Variants in YEATS4 observed in about 807,000 individuals in gnomAD.
The protein encoded by YEATS4 is YEATS domain-containing protein 4.
YEATS4 carries 17 observed loss-of-function variants against 30.1 expected under a neutral mutation model. That is an observed-to-expected ratio of 0.56 (90% CI 0.39 to 0.85). The LOEUF (loss-of-function observed/expected upper bound fraction) is 0.85. Among genes scored for constraint, YEATS4 ranks in the 40% least tolerant of loss-of-function variants. The probability of loss-of-function intolerance (pLI) is 0.00; values close to 1 mark genes in which losing one functional copy is unlikely to be tolerated. For synonymous variants in YEATS4, 85 were observed against 87.5 expected (o/e 0.97, Z 0.16); for missense variants, 142 against 268.3 (o/e 0.53, Z 3.29).
chr12:69,404,581 C>G, the YEATS4 span, among the ~76,000 whole-genome samples: 1 of 152,160 alleles, frequency 6.6e-6, no homozygotes, highest in Non-Finnish European at 1.5e-5. Flanking sequence ...AGACCCTGAC[C>G]AGATGGCCAA....
At position 69,359,972 on chromosome 12, in the gene YEATS4, T is replaced by G; in HGVS notation, c.-1T>G. 1 of 1,612,396 alleles carries G rather than the reference T, an allele frequency of 6.2e-7. No homozygotes were observed. Among genetic ancestry groups the G allele is most frequent in the Non-Finnish European group, 8.5e-7 (1 of 1,179,214 alleles). ...GGCGGCGGCTTCTTCCGTGGGACAA[T>G]ATGTTCAAGAGAATGGCCGAATTTG... On this transcript the variant is annotated 5_prime_UTR_variant, in exon 1 of 7. Transcript: ENST00000247843.
At chr12:69,410,773 AT>A in the YEATS4 span, among the ~76,000 whole-genome samples, 1 of 152,200 alleles carries the variant, frequency 6.6e-6, no homozygotes, top group Non-Finnish European at 1.5e-5. Context: ...CCTCGGGAAC[AT>A]CTCATAACTA....
At chr12:69,407,842 G>T in the YEATS4 span, among the ~76,000 whole-genome samples, 1 of 150,166 alleles carries the variant, frequency 6.7e-6, no homozygotes, top group Admixed American at 6.7e-5. Flanking sequence ...TCAGCCCCCT[G>T]AGTAGCTGGG....
At chr12:69,390,111 GA>G in intron 6 of YEATS4, 35 bp from the exon 7 acceptor site, 1 of 1,523,182 alleles carries the variant, frequency 6.6e-7, no homozygotes, top group East Asian at 2.3e-5. Flanking sequence ...AAACATGTGA[GA>G]AAAATACTTT....
At chr12:69,413,339 C>T in the YEATS4 span, among the ~76,000 whole-genome samples, 2 of 142,136 alleles carry the variant, frequency 1.4e-5, no homozygotes, top group Non-Finnish European at 3.0e-5. Context: ...CAAAGTGAGA[C>T]CCTGTCTCTA....
the YEATS4 span, chr12:69,423,096 A>T: frequency 6.6e-6 from 1 of 152,176 alleles, no homozygotes; most frequent in African/African-American, 2.4e-5. Context: ...TCTGCTGAGG[A>T]TGAGAGAGAC....
At position 69,365,618 on chromosome 12, in the gene YEATS4, T is replaced by G. The variant is rs950696077; in HGVS notation, c.172-15T>G. 6.3e-7 allele frequency: 1 copy of G among 1,575,338 alleles called. No homozygotes were observed. The highest frequency in any genetic ancestry group is 8.7e-7 in the Non-Finnish European group (1 of 1,147,826). Reference sequence around the variant, plus strand: ...ATTTGTAGATCATAAAACTAACTAATTCCTTATATTTTAGGATATGTCAGC... The same window carrying G: ...ATTTGTAGATCATAAAACTAACTAAGTCCTTATATTTTAGGATATGTCAGC... On this transcript the variant is annotated splice_polypyrimidine_tract_variant and intron_variant, in intron 2 of 6. Coordinates refer to ENST00000247843, the MANE Select transcript of YEATS4 (RefSeq NM_006530.4).
rs1259067395 is a variant in YEATS4, at chr12:69,359,745, C to G, written c.-228C>G. 3.6e-6 allele frequency: 2 copies of G among 551,754 alleles called. No individual in the cohort carries two copies. The highest frequency in any genetic ancestry group is 1.9e-5 in the African/African-American group (1 of 51,418). 34.2% of individuals were successfully genotyped at this position (551,754 alleles called of 1,614,324 possible). A position where few individuals can be genotyped will look rare whatever the true frequency, so the allele number is the denominator to read the frequency against. On this transcript the variant is annotated 5_prime_UTR_variant, in exon 1 of 7. Transcript: ENST00000247843. ...TGCGCGCGGTGCGGCCGTCGCCCCTCTTTTCGCGGCGTTCTCCACCTGCGC... is the reference window on the plus strand; with the variant it reads ...TGCGCGCGGTGCGGCCGTCGCCCCTGTTTTCGCGGCGTTCTCCACCTGCGC...
intron 4 of YEATS4, among the ~76,000 whole-genome samples, chr12:69,366,275 A>C (rs150411010): frequency 1.5e-3 from 230 of 152,250 alleles, no homozygotes; most frequent in South Asian, 5.6e-3. Flanking sequence ...TTAAGCTGTC[A>C]TCAGTACTAG....
At chr12:69,413,649 C>G in the YEATS4 span, among the ~76,000 whole-genome samples, 2 of 151,696 alleles carry the variant, frequency 1.3e-5, no homozygotes, top group Non-Finnish European at 2.9e-5. Context: ...GTCAGGAGTT[C>G]GAGACCAACC....
At chr12:69,362,635 A>T (rs528461952) in intron 1 of YEATS4, among the ~76,000 whole-genome samples, 153 bp from the exon 2 acceptor site, 3 of 152,356 alleles carry the variant, frequency 2.0e-5, no homozygotes, top group African/African-American at 7.2e-5. Flanking sequence ...ATATGAAAGG[A>T]TGTGTCTGAA....
the YEATS4 span, among the ~76,000 whole-genome samples, chr12:69,405,254 C>T: frequency 6.6e-6 from 1 of 152,186 alleles, no homozygotes; most frequent in South Asian, 2.1e-4. Flanking sequence ...GAACTAAACT[C>T]TATAAGCACT....
chr12:69,366,654 T>C (rs1565675591), intron 4 of YEATS4, among the ~76,000 whole-genome samples: 1 of 152,168 alleles, frequency 6.6e-6, no homozygotes, highest in Non-Finnish European at 1.5e-5. Flanking sequence ...ATTCCACATA[T>C]GTGGCTGGGG....
intron 4 of YEATS4, among the ~76,000 whole-genome samples, 162 bp downstream of exon 4, chr12:69,366,046 T>C (rs564671685): frequency 6.6e-6 from 1 of 152,192 alleles, no homozygotes; most frequent in African/African-American, 2.4e-5. Flanking sequence ...ATGTAGCGCC[T>C]TTCAAAATCC....
chr12:69,415,515 C>T, the YEATS4 span, among the ~76,000 whole-genome samples: 8 of 152,278 alleles, frequency 5.3e-5, no homozygotes, highest in African/African-American at 1.9e-4. Context: ...GAGCTGAGAT[C>T]ATGCCACTGC....
chr12:69,415,746 G>A, the YEATS4 span, among the ~76,000 whole-genome samples: 1 of 152,138 alleles, frequency 6.6e-6, no homozygotes, highest in Non-Finnish European at 1.5e-5. Flanking sequence ...CACTGCCTGT[G>A]ATCCCCTGGC....
chr12:69,416,660 G>A, the YEATS4 span, among the ~76,000 whole-genome samples: 1 of 152,288 alleles, frequency 6.6e-6, no homozygotes, highest in Admixed American at 6.5e-5. Context: ...ACAGGGTCGG[G>A]GTTTGGGAAG....
At chr12:69,381,357 G>C (rs920145309) in intron 6 of YEATS4, among the ~76,000 whole-genome samples, 12 of 152,196 alleles carry the variant, frequency 7.9e-5, no homozygotes, top group Admixed American at 2.0e-4. Flanking sequence ...GGCAGTCAGA[G>C]TTTAAGGTTA....
intron 6 of YEATS4, among the ~76,000 whole-genome samples, chr12:69,374,993 G>A (rs1258921460): frequency 3.3e-5 from 3 of 89,980 alleles, no homozygotes; most frequent in Non-Finnish European, 7.0e-5. Context: ...ACAGGGCGGC[G>A]GCCGGGCGGG....
Sources: allele counts gnomAD v4.1 joint callset (sites outside exome capture counted in the v4.1 genomes callset), GRCh38; gene constraint gnomAD v4.1.1; transcripts MANE v1.5; gene names NCBI Gene and HGNC (gene_info 2026-07-23, HGNC 2026-07-21).